SLC27A2: variants seen among roughly 807,000 people sequenced by gnomAD.
SLC27A2 encodes the protein long-chain fatty acid transport protein 2.
A neutral mutation model predicts 60.0 loss-of-function variants in SLC27A2; 54 were observed. The ratio of observed to expected loss-of-function variants is 0.90; its 90% confidence interval spans 0.72 to 1.13. The LOEUF (loss-of-function observed/expected upper bound fraction) is 1.13. SLC27A2 is among the 50% of genes most tolerant of loss of function. The pLI is 0.00. For synonymous variants in SLC27A2, 297 were observed against 297.6 expected, an observed-to-expected ratio of 1.00 and a Z score of 0.02; for missense variants, 739 against 777.6, an observed-to-expected ratio of 0.95 and a Z score of 0.59.
chr15:50,206,677 C>T (rs368824240), intron 4 of SLC27A2, among the ~76,000 whole-genome samples: 1 of 152,186 alleles, frequency 6.6e-6, no homozygotes, highest in East Asian at 1.9e-4. Flanking sequence ...TCTGCCCCCC[C>T]TCGCCCCAAT....
intron 4 of SLC27A2, among the ~76,000 whole-genome samples, chr15:50,219,889 T>TA (rs1181410297): frequency 6.6e-6 from 1 of 151,980 alleles, no homozygotes; most frequent in Non-Finnish European, 1.5e-5. Context: ...TTTTCTTGTT[T>TA]AAAAAAAATA....
At chr15:50,226,825 A>G (rs964236693) in intron 6 of SLC27A2, among the ~76,000 whole-genome samples, 155 bp from the exon 7 acceptor site, 6 of 152,226 alleles carry the variant, frequency 3.9e-5, no homozygotes, top group African/African-American at 9.7e-5. Flanking sequence ...TGTAATATAT[A>G]TGTACATATA....
intron 2 of SLC27A2, among the ~76,000 whole-genome samples, chr15:50,200,971 G>A (rs2045059296): frequency 6.6e-6 from 1 of 152,186 alleles, no homozygotes; most frequent in African/African-American, 2.4e-5. Context: ...CAATGTGGAA[G>A]TTATCTATCA....
Position 50,225,201 on chromosome 15 carries a change from T to C in SLC27A2, c.1168-787T>C, listed in dbSNP as rs1303320864. Among the ~76,000 whole-genome samples the C allele has an allele frequency of 2.0e-5, 3 of 152,220 alleles. No individual in the cohort carries two copies. In the East Asian group the frequency reaches 5.8e-4, roughly 29 times the overall value. On this transcript the variant is annotated intron_variant, in intron 5 of 9. Coordinates refer to ENST00000267842, the MANE Select transcript of SLC27A2 (RefSeq NM_003645.4). ...GTTTGCTTCATCACATAGACTTGAA[T>C]ATAAATTTGAAATAGACACAGTAAT...
chr15:50,230,360 T>A (rs1184978699), intron 8 of SLC27A2, among the ~76,000 whole-genome samples: 1 of 151,710 alleles, frequency 6.6e-6, no homozygotes, highest in Non-Finnish European at 1.5e-5. Context: ...CTGGCCAACA[T>A]GGCAAAACTT....
chr15:50,199,496 AG>A (rs202010130), intron 2 of SLC27A2, among the ~76,000 whole-genome samples: 46 of 151,710 alleles, frequency 3.0e-4, no homozygotes, highest in African/African-American at 9.9e-4. Flanking sequence ...AAAAAAAGAA[AG>A]AAAAAAAAAG....
At chr15:50,193,561 G>A (rs139175702) in intron 1 of SLC27A2, among the ~76,000 whole-genome samples, 1 of 152,192 alleles carries the variant, frequency 6.6e-6, no homozygotes, top group Admixed American at 6.5e-5. Flanking sequence ...TTTAGCAGTA[G>A]GAGTTGTTGT....
At chr15:50,195,311 G>GAAAAAAAAAAA (rs745744454) in intron 1 of SLC27A2, among the ~76,000 whole-genome samples, 1 of 110,998 alleles carries the variant, frequency 9.0e-6, no homozygotes, top group Non-Finnish European at 2.0e-5. Flanking sequence ...CTAAAAATAT[G>GAAAAAAAAAAA]AAAAAAAAAA....
chr15:50,182,542 G>C lies in SLC27A2; in HGVS notation c.115G>C (p.Val39Leu), dbSNP rs765957068. The C allele has an allele frequency of 1.2e-6, 2 of 1,612,896 alleles. No individual in the cohort carries two copies. Among genetic ancestry groups the C allele is most frequent in the South Asian group, 1.1e-5 (1 of 90,972 alleles). ...DIGYFLKVAA[V>L]GRRVRSYGKR... ...AGGCTACTTCTTGAAGGTGGCCGCC[G>C]TGGGCCGGAGGGTGCGCAGCTACGG... is the stretch of plus-strand genomic sequence containing the variant. The change falls in exon 1 of 10, where the codon GTG becomes CTG. Residue 39 changes from valine to leucine, a missense_variant. Transcript: ENST00000267842.
intron 4 of SLC27A2, among the ~76,000 whole-genome samples, chr15:50,214,566 T>C (rs1332390184): frequency 1.3e-5 from 2 of 152,146 alleles, no homozygotes; most frequent in Non-Finnish European, 2.9e-5. Context: ...GCTAAAATCC[T>C]TAACAAAATA....
chr15:50,182,567 G>A lies in SLC27A2; in HGVS notation c.140G>A (p.Gly47Glu). ...AAVGRRVRSYGKRRPARTILR... is the reference protein window; with the variant it reads ...AAVGRRVRSYEKRRPARTILR... The stretch of plus-strand genomic sequence containing the variant: ...GTGGGCCGGAGGGTGCGCAGCTACG[G>A]GAAGCGGCGGCCGGCGCGCACCATC... Residue 47 changes from glycine to glutamate, a missense_variant, in exon 1 of 10, where the codon GGG (glycine) becomes GAG (glutamate). Gly to Glu is a moderately conservative substitution (Grantham distance 98, BLOSUM62 -2). Transcript: ENST00000267842. The A allele has an allele frequency of 6.2e-7, 1 of 1,611,574 alleles. No individual in the cohort carries two copies. Among genetic ancestry groups the A allele is most frequent in the Non-Finnish European group, 8.5e-7 (1 of 1,179,092 alleles).
chr15:50,235,028 T>G (rs1235854267), intron 9 of SLC27A2, among the ~76,000 whole-genome samples: 1 of 152,210 alleles, frequency 6.6e-6, no homozygotes, highest in African/African-American at 2.4e-5. Flanking sequence ...AAGACTTAAC[T>G]ATCACCGCTA....
chr15:50,196,053 C>CAAAAAAAAAAAAAATAAAAAAAAAA (rs1567428267), intron 1 of SLC27A2, among the ~76,000 whole-genome samples: 1 of 1,820 alleles, frequency 5.5e-4, no homozygotes, highest in Non-Finnish European at 1.5e-3. Context: ...GACTCTGTCT[C>CAAAAAAAAAAAAAATAAAAAAAAAA]AAAAAAAAAA....
At chr15:50,185,446 A>G (rs1319378927) in intron 1 of SLC27A2, among the ~76,000 whole-genome samples, 1 of 152,106 alleles carries the variant, frequency 6.6e-6, no homozygotes, top group Non-Finnish European at 1.5e-5. Flanking sequence ...TTTACTAAAC[A>G]TGCCCATGGG....
At chr15:50,223,831 G>A (rs1381017852) in intron 5 of SLC27A2, among the ~76,000 whole-genome samples, 1 of 152,128 alleles carries the variant, frequency 6.6e-6, no homozygotes, top group Non-Finnish European at 1.5e-5. Flanking sequence ...AGCCTCCTTT[G>A]GCTTGAGAAG....
At chr15:50,234,480 G>A (rs555546139) in intron 9 of SLC27A2, among the ~76,000 whole-genome samples, 34 of 151,572 alleles carry the variant, frequency 2.2e-4, no homozygotes, top group Non-Finnish European at 2.1e-4. Context: ...CCAGCTACTC[G>A]GGAGGCTGGG....
intron 4 of SLC27A2, chr15:50,221,982 C>G (rs574930684): frequency 6.6e-6 from 1 of 152,264 alleles, no homozygotes; most frequent in East Asian, 1.9e-4. Flanking sequence ...CACTACTGTA[C>G]TTGACTAGTC....
intron 4 of SLC27A2, among the ~76,000 whole-genome samples, chr15:50,209,054 G>T (rs1231831571): frequency 6.6e-6 from 1 of 152,152 alleles, no homozygotes; most frequent in Non-Finnish European, 1.5e-5. Context: ...TATGACACCT[G>T]CTGGAGTGTG....
intron 8 of SLC27A2, among the ~76,000 whole-genome samples, chr15:50,230,157 C>A (rs2045307546): frequency 6.7e-6 from 1 of 150,120 alleles, no homozygotes; most frequent in Non-Finnish European, 1.5e-5. Flanking sequence ...TCGCTTGAAC[C>A]AGGGAGTCGG....
Sources: allele counts gnomAD v4.1 joint callset (sites outside exome capture counted in the v4.1 genomes callset), GRCh38; gene constraint gnomAD v4.1.1; transcripts MANE v1.5; gene names NCBI Gene and HGNC (gene_info 2026-07-23, HGNC 2026-07-21).